Variants in NRG1 observed in about 807,000 individuals in gnomAD.
NRG1 encodes neuregulin 1.
NRG1 carries 18 observed loss-of-function variants against 63.8 expected under a neutral mutation model. The observed-to-expected ratio is 0.28, with a 90% CI of 0.19 to 0.42. The LOEUF (loss-of-function observed/expected upper bound fraction) is 0.42. NRG1 is among the 10% of genes least tolerant of loss of function. NRG1 has a pLI of 1.00. For synonymous variants in NRG1, 302 were observed against 301.3 expected (o/e 1.00, Z -0.02); for missense variants, 762 against 814.7 (o/e 0.94, Z 0.79).
chr8:32,586,183 T>A (rs943998753), intron 1 of NRG1, among the ~76,000 whole-genome samples: 1 of 135,574 alleles, frequency 7.4e-6, no homozygotes, highest in African/African-American at 2.7e-5. Context: ...TATATATATA[T>A]AATGTGTATA....
intron 2 of NRG1, among the ~76,000 whole-genome samples, chr8:32,602,461 G>A (rs1844548570): frequency 6.6e-6 from 1 of 152,026 alleles, no homozygotes; most frequent in African/African-American, 2.4e-5. Flanking sequence ...GGTCAAGAAA[G>A]GGGTCTTTAC....
At chr8:31,953,339 TA>T in intron 1 of NRG1, among the ~76,000 whole-genome samples, 1 of 152,334 alleles carries the variant, frequency 6.6e-6, no homozygotes, top group South Asian at 2.1e-4. Flanking sequence ...GAGTATAAAA[TA>T]CAGCTATTGA....
chr8:31,774,312 C>A (rs1354674967), intron 1 of NRG1, among the ~76,000 whole-genome samples: 3 of 152,070 alleles, frequency 2.0e-5, no homozygotes, highest in African/African-American at 7.2e-5. Flanking sequence ...ATTCTCTATC[C>A]CTTACCATGC....
At chr8:32,759,040 A>C (rs1830187600) in intron 9 of NRG1, among the ~76,000 whole-genome samples, 1 of 152,102 alleles carries the variant, frequency 6.6e-6, no homozygotes. Context: ...GATAAAATGT[A>C]GTTGGAATGA....
At chr8:32,225,335 C>T (rs1311045748) in intron 1 of NRG1, among the ~76,000 whole-genome samples, 3 of 152,148 alleles carry the variant, frequency 2.0e-5, no homozygotes, top group Non-Finnish European at 4.4e-5. Flanking sequence ...AGCTTTTCAG[C>T]ATCTTTCCAC....
chr8:32,137,009 G>C (rs7016491), intron 1 of NRG1, among the ~76,000 whole-genome samples: 1 of 151,894 alleles, frequency 6.6e-6, no homozygotes, highest in Admixed American at 6.6e-5. Context: ...TTTTACAGAG[G>C]CATATACTCT....
chr8:32,739,187 C>A (rs941662814), intron 6 of NRG1, among the ~76,000 whole-genome samples: 7 of 152,126 alleles, frequency 4.6e-5, no homozygotes, highest in Non-Finnish European at 1.0e-4. Flanking sequence ...CGAGAGAGGG[C>A]GTTTGCCTCC....
chr8:32,217,796 G>A (rs1002178426), intron 1 of NRG1, among the ~76,000 whole-genome samples: 1 of 152,012 alleles, frequency 6.6e-6, no homozygotes, highest in Non-Finnish European at 1.5e-5. Context: ...TAGACATCTG[G>A]TATACATCAT....
At chr8:32,277,117 G>A (rs929223383) in intron 1 of NRG1, among the ~76,000 whole-genome samples, 3 of 152,136 alleles carry the variant, frequency 2.0e-5, no homozygotes, top group East Asian at 1.9e-4. Flanking sequence ...TGCATTAAAC[G>A]TGAAGTCATT....
chr8:32,032,400 A>C (rs558357392), intron 1 of NRG1, among the ~76,000 whole-genome samples: 4 of 152,010 alleles, frequency 2.6e-5, no homozygotes, highest in African/African-American at 9.6e-5. Flanking sequence ...AGTAGCTGGG[A>C]TTATAGGCAC....
At chr8:32,266,505 T>C (rs568270417) in intron 1 of NRG1, among the ~76,000 whole-genome samples, 32 of 152,246 alleles carry the variant, frequency 2.1e-4, no homozygotes, top group South Asian at 1.0e-3. Flanking sequence ...AGTTCCTTAG[T>C]TCTGGGAAAA....
At chr8:31,761,558 T>A (rs1053048068) in intron 1 of NRG1, among the ~76,000 whole-genome samples, 1 of 152,160 alleles carries the variant, frequency 6.6e-6, no homozygotes, top group Non-Finnish European at 1.5e-5. Flanking sequence ...TGTTTTAATT[T>A]CACTATTGTT....
intron 1 of NRG1, among the ~76,000 whole-genome samples, chr8:31,799,722 G>T (rs1563416229): frequency 1.3e-5 from 2 of 151,680 alleles, no homozygotes; most frequent in Non-Finnish European, 2.9e-5. Context: ...GTTTTTTTGT[G>T]TATGCATAGA....
chr8:32,392,754 G>T (rs184531172), intron 1 of NRG1, among the ~76,000 whole-genome samples: 17 of 152,298 alleles, frequency 1.1e-4, no homozygotes, highest in Non-Finnish European at 2.9e-5. Flanking sequence ...CTCATGATGT[G>T]TTTGATGATT....
chr8:32,416,923 C>A (rs1478015864), intron 1 of NRG1, among the ~76,000 whole-genome samples: 3 of 152,084 alleles, frequency 2.0e-5, no homozygotes, highest in Non-Finnish European at 2.9e-5. Flanking sequence ...TGAGCTCAAG[C>A]AATCCTCCCA....
At chr8:32,360,454 C>A (rs1454060829) in intron 1 of NRG1, among the ~76,000 whole-genome samples, 3 of 151,986 alleles carry the variant, frequency 2.0e-5, no homozygotes, top group African/African-American at 7.2e-5. Context: ...TTTAAAAATT[C>A]AGCCAAAAAA....
At chr8:32,275,519 C>T (rs900992623) in intron 1 of NRG1, among the ~76,000 whole-genome samples, 3 of 151,968 alleles carry the variant, frequency 2.0e-5, no homozygotes, top group Non-Finnish European at 2.9e-5. Context: ...GACATTAAGA[C>T]GGAGCTGAAG....
chr8:32,478,416 T>G (rs919607746), intron 1 of NRG1, among the ~76,000 whole-genome samples: 1 of 152,236 alleles, frequency 6.6e-6, no homozygotes, highest in African/African-American at 2.4e-5. Flanking sequence ...ACCAATGTAA[T>G]ACCATAAAAA....
intron 1 of NRG1, among the ~76,000 whole-genome samples, chr8:31,696,474 C>T (rs184458299): frequency 3.4e-3 from 517 of 152,258 alleles, no homozygotes; most frequent in Non-Finnish European, 5.1e-3. Context: ...AAACTTTACC[C>T]GGTGATGACA....
Sources: allele counts gnomAD v4.1 joint callset (sites outside exome capture counted in the v4.1 genomes callset), GRCh38; gene constraint gnomAD v4.1.1; transcripts MANE v1.5; gene names NCBI Gene and HGNC (gene_info 2026-07-23, HGNC 2026-07-21).